The following WRAP73 variants were observed in gnomAD, a reference collection of about 807,000 sequenced individuals.
WRAP73 encodes WD repeat containing, antisense to TP73, also known as WD repeat-containing protein WRAP73.
WRAP73 carries 55 observed loss-of-function variants against 59.6 expected under a neutral mutation model. The ratio of observed to expected loss-of-function variants is 0.92; its 90% CI spans 0.74 to 1.15. The LOEUF is 1.15. Among genes scored for constraint, WRAP73 ranks in the 50% most tolerant of loss-of-function variants. WRAP73 has a pLI of 0.00. For missense variants in WRAP73, 592 were observed against 608.1 expected (o/e 0.97, Z 0.28); for synonymous variants, 265 against 258.2 (o/e 1.03, Z -0.25).
intron 1 of WRAP73, among the ~76,000 whole-genome samples, chr1:3,649,214 C>T (rs1276094617): frequency 5.9e-5 from 9 of 152,224 alleles, no homozygotes; most frequent in Admixed American, 5.9e-4. Flanking sequence ...TGTTTTGAAG[C>T]TTAAAGTTAT....
chr1:3,632,619 G>C (rs1644547546), intron 9 of WRAP73: 1 of 472,490 alleles, frequency 2.1e-6, no homozygotes. Flanking sequence ...GAGGGACATG[G>C]ACAGGTCCTA....
rs1372292301 is a variant in WRAP73, at chr1:3,635,165, C to T, written c.733G>A (p.Gly245Arg). 3 of 1,614,122 alleles carry T rather than the reference C, an allele frequency of 1.9e-6. No homozygotes were observed. Among genetic ancestry groups the T allele is most frequent in the Admixed American group, 1.7e-5 (1 of 60,022 alleles). ...SQFLAVGSYD[G>R]KVRILNHVTW... The stretch of plus-strand genomic sequence containing the variant: ...TGCCCTGCACTGGTTCCCACCTTTC[C>T]ATCATAGCTCCCAACTGCCAGGAAC... The change falls in exon 7 of 12, where the codon GGA (glycine) becomes AGA (arginine). Residue 245 changes from glycine (G) to arginine (R), a missense_variant. Coordinates refer to ENST00000270708, the MANE Select transcript of WRAP73 (RefSeq NM_017818.4).
Position 3,646,605 on chromosome 1 carries a change from T to C in WRAP73, c.339+61A>G, listed in dbSNP as rs934895195. 7.0e-7 allele frequency: 1 copy of C among 1,422,372 alleles called. No homozygotes were observed. The highest frequency in any genetic ancestry group is 9.7e-7 in the Non-Finnish European group (1 of 1,030,390). 88.1% of individuals were successfully genotyped at this position (1,422,372 alleles called of 1,614,324 possible). On this transcript the variant is annotated intron_variant, in intron 3 of 11. Transcript: ENST00000270708. This position sits in a 1 kb window ranked among gnomAD's most constrained non-coding sequence, Gnocchi z 5.1. The stretch of plus-strand genomic sequence containing the variant: ...CACACCCCCTCTCGCACTCCCCAGC[T>C]GTTTCGAGAGCAGAGGACAGGATCA...
At chr1:3,642,818 G>C (rs1156350391) in intron 3 of WRAP73, among the ~76,000 whole-genome samples, 4 of 151,558 alleles carry the variant, frequency 2.6e-5, no homozygotes, top group Non-Finnish European at 5.9e-5. Flanking sequence ...ACGTGAACCT[G>C]CTTCATTTAA....
At chr1:3,638,331 G>A (rs1018247851) in intron 4 of WRAP73, among the ~76,000 whole-genome samples, 1 of 152,182 alleles carries the variant, frequency 6.6e-6, no homozygotes, top group Admixed American at 6.5e-5. Flanking sequence ...GAGATGACAG[G>A]CAAGACCTCC....
Position 3,633,585 on chromosome 1 carries a change from C to T in WRAP73, c.817-82G>A, listed in dbSNP as rs548956983. On this transcript the variant is annotated intron_variant, in intron 8 of 11. Transcript: ENST00000270708. Reference sequence around the variant, plus strand: ...TGGACGTGGCAAATGCCCATGACAGCGCATGGTCAACAGGTGTGCCTGCCA... The same window carrying T: ...TGGACGTGGCAAATGCCCATGACAGTGCATGGTCAACAGGTGTGCCTGCCA... The T allele has an allele frequency of 6.6e-5, 72 of 1,095,006 alleles. 1 individual carries two copies. In the Middle Eastern group the frequency reaches 1.3e-3, roughly 20 times the overall value. 67.8% of individuals were successfully genotyped at this position (1,095,006 alleles called of 1,614,324 possible).
intron 3 of WRAP73, 87 bp from the exon 4 acceptor site, chr1:3,638,909 C>T: frequency 6.8e-7 from 1 of 1,463,618 alleles, no homozygotes; most frequent in Non-Finnish European, 9.5e-7. Flanking sequence ...CACGCGTCCC[C>T]AAGCACAGGC....
intron 10 of WRAP73, chr1:3,631,936 G>C (rs1002143445): frequency 7.2e-7 from 1 of 1,389,918 alleles, no homozygotes; most frequent in South Asian, 1.7e-5. Flanking sequence ...TTAACAAAAG[G>C]CGGGCTGCAG....
intron 11 of WRAP73, 79 bp downstream of exon 11, chr1:3,631,387 G>A (rs1371564426): frequency 6.6e-7 from 1 of 1,505,514 alleles, no homozygotes; most frequent in Non-Finnish European, 9.0e-7. Context: ...CAGCAGCTGG[G>A]CTTCAACAGT....
chr1:3,641,852 G>C (rs898152445), intron 3 of WRAP73, among the ~76,000 whole-genome samples: 3 of 152,152 alleles, frequency 2.0e-5, no homozygotes, highest in Non-Finnish European at 4.4e-5. Flanking sequence ...AAATGTAGAA[G>C]GTAAAAGGAT....
At chr1:3,645,380 G>T (rs1397746556) in intron 3 of WRAP73, among the ~76,000 whole-genome samples, 1 of 102,970 alleles carries the variant, frequency 9.7e-6, no homozygotes, top group Non-Finnish European at 2.4e-5. Context: ...CGTGGTGTGC[G>T]TGGCGCAGCG....
rs1202018867 is a variant in WRAP73 at position 3,630,988 on chromosome 1, C to A, written c.1370G>T (p.Gly457Val). 1 of 1,612,732 alleles carries A rather than the reference C, an allele frequency of 6.2e-7. No homozygotes were observed. The highest frequency in any genetic ancestry group is 1.3e-5 in the African/African-American group (1 of 74,938). The change falls in exon 12 of 12, where the codon GGC (glycine) becomes GTC (valine). Residue 457 changes from glycine (G) to valine (V), a missense_variant. Gly to Val is a moderately radical substitution (Grantham distance 109, BLOSUM62 -3). Coordinates refer to ENST00000270708, the MANE Select transcript of WRAP73 (RefSeq NM_017818.4). ...AGTGCACCGCTGCTACGTGTGGCCG[C>A]CCAGCTGTCTGCAGGCTGTGCCGAC... ...AVVGTACRQL[G>V]GHT is the part of the protein sequence containing the mutation.
Position 3,650,073 on chromosome 1 carries a change from C to T in WRAP73, c.-74G>A, listed in dbSNP as rs1227501250. On this transcript the variant is annotated 5_prime_UTR_variant, in exon 1 of 12. Coordinates refer to ENST00000270708, the MANE Select transcript of WRAP73 (RefSeq NM_017818.4). Reference sequence around the variant, plus strand: ...CCCCTGGGCGCGCAGCAGGCTGCAACAGCCGACGCCGGCCTCCGAGGCCGG... The same window carrying T: ...CCCCTGGGCGCGCAGCAGGCTGCAATAGCCGACGCCGGCCTCCGAGGCCGG... 2.1e-6 allele frequency: 3 copies of T among 1,439,794 alleles called. No individual in the cohort carries two copies. The highest frequency in any genetic ancestry group is 1.5e-5 in the African/African-American group (1 of 66,672). The allele number at this position is 1,439,794 out of a possible 1,614,324, so 89.2% of individuals were successfully genotyped here.
At position 3,631,125 on chromosome 1, in the gene WRAP73, GAGAC is replaced by G. The variant is rs1557452176; in HGVS notation, c.1241-12_1241-9del. 1.2e-6 allele frequency: 2 copies of G among 1,613,134 alleles called. No homozygotes were observed. The highest frequency in any genetic ancestry group is 1.7e-6 in the Non-Finnish European group (2 of 1,179,938). On this transcript the variant is annotated splice_polypyrimidine_tract_variant and intron_variant, in intron 11 of 11. Coordinates refer to ENST00000270708, the MANE Select transcript of WRAP73 (RefSeq NM_017818.4). ...AGAGCACTGCAAAGTCGCCTAGAGA[GAGAC>G]AGGTGGCCAGAGGATTACAGCAGGG...
chr1:3,636,038 A>C lies in WRAP73; in HGVS notation c.517-8T>G. 1 of 1,609,668 alleles carries C rather than the reference A, an allele frequency of 6.2e-7. No homozygotes were observed. The highest frequency in any genetic ancestry group is 8.5e-7 in the Non-Finnish European group (1 of 1,176,520). ...GGTGTCCGTATCAAAATGCTTCCAAAGGAAGGGGGGGAAACATTAAATTTG... is the reference window on the plus strand; with the variant it reads ...GGTGTCCGTATCAAAATGCTTCCAACGGAAGGGGGGGAAACATTAAATTTG... On this transcript the variant is annotated splice_polypyrimidine_tract_variant and splice_region_variant and intron_variant, in intron 5 of 11. Transcript: ENST00000270708.
At chr1:3,631,868 G>T (rs1459722446) in intron 10 of WRAP73, 6 of 1,393,568 alleles carry the variant, frequency 4.3e-6, no homozygotes, top group Non-Finnish European at 5.5e-6. Context: ...GGGCCCAAAT[G>T]TGTTTCTTTC....
rs761843222 is a variant in WRAP73 at position 3,631,645 on chromosome 1, T to C, written c.1061A>G (p.Asn354Ser). 8.8e-6 allele frequency: 14 copies of C among 1,593,332 alleles called. No homozygotes were observed. The highest frequency in any genetic ancestry group is 6.7e-5 in the East Asian group (3 of 44,708). The change falls in exon 11 of 12, where the codon AAT (asparagine) becomes AGT (serine). Residue 354 changes from asparagine to serine, a missense_variant. Asn to Ser is a conservative substitution (Grantham distance 46, BLOSUM62 1). Transcript: ENST00000270708. ...CTGAATGTCCCAGACCCAGACGGCA[T>C]TGGGAATGTTGTCTGAGGAAGGAAG... ...FLATRNDNIP[N>S]AVWVWDIQKL... is the part of the protein sequence containing the mutation.
intron 1 of WRAP73, among the ~76,000 whole-genome samples, 164 bp from the exon 2 acceptor site, chr1:3,647,724 T>C (rs766909906): frequency 3.3e-5 from 5 of 152,234 alleles, no homozygotes; most frequent in Non-Finnish European, 7.3e-5. Flanking sequence ...ATCAGTTCAG[T>C]TCATACAAGG....
intron 9 of WRAP73, 188 bp from the exon 10 acceptor site, chr1:3,632,526 A>C: frequency 1.2e-6 from 1 of 860,342 alleles, no homozygotes; most frequent in Non-Finnish European, 1.8e-6. Context: ...CCTGCCCGCA[A>C]GTGCCCCGGA....
Sources: allele counts gnomAD v4.1 joint callset (sites outside exome capture counted in the v4.1 genomes callset), GRCh38; gene constraint gnomAD v4.1.1; non-coding constraint Gnocchi (gnomAD v3.1); transcripts MANE v1.5; gene names NCBI Gene and HGNC (gene_info 2026-07-23, HGNC 2026-07-21).